IGSF10: variants seen among roughly 807,000 people sequenced by gnomAD.
IGSF10 encodes calvaria mechanical force protein 608.
Under a neutral mutation model 128.2 loss-of-function variants are expected in IGSF10, and 126 were observed. That is an observed-to-expected ratio of 0.98 (90% confidence interval 0.85 to 1.14). The LOEUF (loss-of-function observed/expected upper bound fraction) is 1.14, where lower values mean the gene tolerates loss of function less well. Ranked by LOEUF, IGSF10 falls within the 50% of genes most tolerant of loss-of-function variation. The pLI is 0.00. For synonymous variants in IGSF10, 1,185 were observed against 1,146.2 expected (o/e 1.03, Z -0.68); for missense variants, 3,295 against 3,149.8 (o/e 1.05, Z -1.10).
the IGSF10 span, among the ~76,000 whole-genome samples, chr3:151,549,056 C>G: frequency 8.4e-4 from 128 of 152,094 alleles, 1 homozygote; most frequent in East Asian, 0.023. Context: ...ACTTGCATAG[C>G]CTCTGTTGCA....
the IGSF10 span, among the ~76,000 whole-genome samples, chr3:151,504,896 A>G: frequency 2.6e-5 from 4 of 152,326 alleles, no homozygotes; most frequent in East Asian, 7.7e-4. Flanking sequence ...TCTCCATCTG[A>G]GATGGCCTCA....
At chr3:151,617,384 C>T in the IGSF10 span, among the ~76,000 whole-genome samples, 13,291 of 132,024 alleles carry the variant, frequency 0.1, 1,218 homozygotes, top group African/African-American at 0.17. Context: ...CTTTTCTTCT[C>T]TTTCTTCATC....
the IGSF10 span, among the ~76,000 whole-genome samples, chr3:151,545,124 TA>T: frequency 1.3e-4 from 20 of 152,232 alleles, no homozygotes; most frequent in African/African-American, 4.8e-4. Context: ...TTGAGCATAT[TA>T]GTTACATAAT....
At chr3:151,477,789 C>A in the IGSF10 span, among the ~76,000 whole-genome samples, 2 of 152,096 alleles carry the variant, frequency 1.3e-5, no homozygotes, top group Non-Finnish European at 2.9e-5. Context: ...TGCAAAGGAC[C>A]AGATAGTGAT....
chr3:151,525,079 G>T, the IGSF10 span, among the ~76,000 whole-genome samples: 15 of 113,538 alleles, frequency 1.3e-4, no homozygotes, highest in Admixed American at 1.9e-3. Flanking sequence ...CAGCTGAAGT[G>T]AAGTGGCACA....
At chr3:151,525,891 G>GA in the IGSF10 span, among the ~76,000 whole-genome samples, 1 of 152,030 alleles carries the variant, frequency 6.6e-6, no homozygotes, top group African/African-American at 2.4e-5. Context: ...TTTTCCATAT[G>GA]AAGTAACCTA....
At chr3:151,567,044 G>A in the IGSF10 span, among the ~76,000 whole-genome samples, 2 of 152,218 alleles carry the variant, frequency 1.3e-5, no homozygotes, top group Non-Finnish European at 2.9e-5. Flanking sequence ...TGTATTTTCT[G>A]AGACACAGAG....
the IGSF10 span, among the ~76,000 whole-genome samples, chr3:151,478,409 CTTTAAGAGAT>C: frequency 1.3e-5 from 2 of 152,176 alleles, no homozygotes; most frequent in African/African-American, 2.4e-5. Flanking sequence ...CTAAACATTG[CTTTAAGAGAT>C]TTCTCTTCAG....
the IGSF10 span, among the ~76,000 whole-genome samples, chr3:151,617,135 CCTCTTCTTCTT>C: frequency 1.3e-5 from 2 of 151,994 alleles, no homozygotes; most frequent in African/African-American, 4.8e-5. Flanking sequence ...TTCTTCTTCT[CCTCTTCTTCTT>C]CTCCCCCTCC....
At chr3:151,615,076 T>G in the IGSF10 span, among the ~76,000 whole-genome samples, 2 of 151,966 alleles carry the variant, frequency 1.3e-5, no homozygotes, top group East Asian at 3.9e-4. Flanking sequence ...CCACATTTTT[T>G]GGTAAGTTTT....
chr3:151,615,050 C>G, the IGSF10 span, among the ~76,000 whole-genome samples: 1 of 152,008 alleles, frequency 6.6e-6, no homozygotes, highest in Non-Finnish European at 1.5e-5. Context: ...TTGCTAAGGT[C>G]AGAAAAATTT....
At chr3:151,539,354 C>T in the IGSF10 span, among the ~76,000 whole-genome samples, 1 of 152,142 alleles carries the variant, frequency 6.6e-6, no homozygotes, top group Middle Eastern at 3.2e-3. Flanking sequence ...TATGACTGCC[C>T]TCTTCCTTCT....
chr3:151,434,683 T>C (rs932833643), downstream of IGSF10: 1 of 152,238 alleles, frequency 6.6e-6, no homozygotes, highest in African/African-American at 2.4e-5. Context: ...ATGTTGTGCC[T>C]AGTGAGTGAG....
At chr3:151,441,555 T>A (rs1401972064) in intron 7 of IGSF10, among the ~76,000 whole-genome samples, 1 of 152,182 alleles carries the variant, frequency 6.6e-6, no homozygotes, top group Non-Finnish European at 1.5e-5. Flanking sequence ...CTCCTAAGCA[T>A]GAGTACAAAT....
chr3:151,487,130 A>T, the IGSF10 span, among the ~76,000 whole-genome samples: 1 of 152,186 alleles, frequency 6.6e-6, no homozygotes, highest in Non-Finnish European at 1.5e-5. Flanking sequence ...TAGGTGCAAT[A>T]AAAAATGACA....
chr3:151,538,567 G>A, the IGSF10 span, among the ~76,000 whole-genome samples: 2 of 152,180 alleles, frequency 1.3e-5, no homozygotes, highest in South Asian at 4.2e-4. Context: ...GAGAAAAAGG[G>A]TATCTAGTTC....
At chr3:151,490,505 ATTT>A in the IGSF10 span, among the ~76,000 whole-genome samples, 61 of 148,982 alleles carry the variant, frequency 4.1e-4, no homozygotes, top group Non-Finnish European at 4.8e-4. Context: ...TTTGAACTGC[ATTT>A]TTTTTTTTTT....
At chr3:151,551,608 TAATTTTCAAGATATAA>T in the IGSF10 span, among the ~76,000 whole-genome samples, 1 of 151,394 alleles carries the variant, frequency 6.6e-6, no homozygotes, top group African/African-American at 2.4e-5. Flanking sequence ...ATACAAGAAA[TAATTTTCAAGATATAA>T]AATTTTTAAG....
the IGSF10 span, among the ~76,000 whole-genome samples, chr3:151,467,699 G>A: frequency 6.6e-6 from 1 of 151,770 alleles, no homozygotes; most frequent in Non-Finnish European, 1.5e-5. Flanking sequence ...CCTGGCTAAC[G>A]CAGTGAAACC....
Sources: gnomAD v4.1 joint callset for allele counts (sites outside exome capture counted in the v4.1 genomes callset) on GRCh38, gnomAD v4.1.1 for gene constraint, MANE v1.5 for transcripts, NCBI Gene and HGNC (gene_info 2026-07-23, HGNC 2026-07-21) for gene names.